Variants in SCTR observed in about 807,000 individuals in gnomAD.
SCTR encodes the protein pancreatic secretin receptor.
A neutral mutation model predicts 60.8 loss-of-function variants in SCTR; 56 were observed. That is an observed-to-expected ratio of 0.92 (90% confidence interval 0.74 to 1.15). SCTR has a LOEUF of 1.15. Ranked by LOEUF, SCTR falls within the 50% of genes most tolerant of loss-of-function variation. The pLI, the probability that SCTR is intolerant of heterozygous loss-of-function variation, is 0.00. For missense variants in SCTR, 562 were observed against 550.4 expected (o/e 1.02, Z -0.21); for synonymous variants, 202 against 217.0 (o/e 0.93, Z 0.61).
At chr2:119,480,870 G>A (rs1355851949) in intron 2 of SCTR, 1 of 152,296 alleles carries the variant, frequency 6.6e-6, no homozygotes, top group Non-Finnish European at 1.5e-5. Flanking sequence ...TGGGGAACAT[G>A]GTGCAGGGCA....
chr2:119,498,170 G>T (rs190667474), intron 1 of SCTR, among the ~76,000 whole-genome samples: 1 of 152,174 alleles, frequency 6.6e-6, no homozygotes, highest in Admixed American at 6.5e-5. Context: ...AAACAGTTAA[G>T]ATGACAACTG....
chr2:119,514,508 A>C (rs1366860163), intron 1 of SCTR, among the ~76,000 whole-genome samples: 1 of 152,184 alleles, frequency 6.6e-6, no homozygotes, highest in African/African-American at 2.4e-5. Context: ...TCTGTTAGCT[A>C]TTTTGGAGTT....
chr2:119,507,128 T>C (rs1479632206), intron 1 of SCTR, among the ~76,000 whole-genome samples: 1 of 152,174 alleles, frequency 6.6e-6, no homozygotes, highest in Non-Finnish European at 1.5e-5. Flanking sequence ...TATCTGAGTA[T>C]AAAAGAACAT....
At chr2:119,497,908 A>T (rs899879434) in intron 1 of SCTR, among the ~76,000 whole-genome samples, 3 of 152,182 alleles carry the variant, frequency 2.0e-5, no homozygotes, top group Admixed American at 6.5e-5. Context: ...AATACCTAGC[A>T]TTCATTTCTT....
chr2:119,465,432 C>T (rs1558849601), intron 5 of SCTR, among the ~76,000 whole-genome samples: 1 of 152,120 alleles, frequency 6.6e-6, no homozygotes, highest in African/African-American at 2.4e-5. Context: ...TGGGTCAGGT[C>T]GCCTTTGTTT....
chr2:119,490,077 C>G (rs1295524270), intron 2 of SCTR, among the ~76,000 whole-genome samples: 1 of 152,190 alleles, frequency 6.6e-6, no homozygotes, highest in African/African-American at 2.4e-5. Flanking sequence ...GCCTTGCTTC[C>G]TGCTGTCCCA....
At chr2:119,479,782 C>G (rs755762625) in intron 2 of SCTR, 1 of 152,208 alleles carries the variant, frequency 6.6e-6, no homozygotes, top group Admixed American at 6.5e-5. Context: ...TTGTGAACGA[C>G]TAGTATACAT....
At chr2:119,510,298 AGG>A (rs1678890888) in intron 1 of SCTR, among the ~76,000 whole-genome samples, 1 of 151,820 alleles carries the variant, frequency 6.6e-6, no homozygotes, top group Non-Finnish European at 1.5e-5. Context: ...ATGTGGGGGG[AGG>A]GGGTATGCCA....
At chr2:119,511,513 A>G (rs556857435) in intron 1 of SCTR, among the ~76,000 whole-genome samples, 47 of 152,074 alleles carry the variant, frequency 3.1e-4, no homozygotes, top group African/African-American at 1.1e-3. Context: ...TTGTTTTTTC[A>G]TTGGATTAGT....
At chr2:119,503,613 G>A (rs1678631637) in intron 1 of SCTR, among the ~76,000 whole-genome samples, 1 of 152,096 alleles carries the variant, frequency 6.6e-6, no homozygotes, top group South Asian at 2.1e-4. Flanking sequence ...AAAATCAGTG[G>A]TTGCCAGGGG....
chr2:119,445,730 G>A (rs1440483303), intron 11 of SCTR, among the ~76,000 whole-genome samples: 1 of 152,164 alleles, frequency 6.6e-6, no homozygotes, highest in Non-Finnish European at 1.5e-5. Context: ...GCTTCTCCCG[G>A]CCGTTAGTTT....
At chr2:119,512,199 T>TG (rs1200043535) in intron 1 of SCTR, among the ~76,000 whole-genome samples, 4 of 152,200 alleles carry the variant, frequency 2.6e-5, no homozygotes, top group South Asian at 4.1e-4. Flanking sequence ...GCTGTCTCTC[T>TG]GGAATTCCCA....
intron 1 of SCTR, among the ~76,000 whole-genome samples, chr2:119,510,185 C>G (rs1678887455): frequency 6.7e-6 from 1 of 149,254 alleles, no homozygotes; most frequent in Non-Finnish European, 1.5e-5. Context: ...CACCCTGTGT[C>G]CATGTGTTCT....
chr2:119,442,506 T>C (rs1302650677), intron 11 of SCTR, among the ~76,000 whole-genome samples: 1 of 152,136 alleles, frequency 6.6e-6, no homozygotes, highest in Non-Finnish European at 1.5e-5. Flanking sequence ...CTACTTATGA[T>C]ATTGGAAAGG....
At chr2:119,449,428 C>T (rs1275158859) in intron 9 of SCTR, among the ~76,000 whole-genome samples, 1 of 151,818 alleles carries the variant, frequency 6.6e-6, no homozygotes, top group South Asian at 2.1e-4. Flanking sequence ...TTTTTTCTTG[C>T]GAACTATGAT....
chr2:119,491,875 G>A (rs951380747), intron 2 of SCTR, among the ~76,000 whole-genome samples: 2 of 152,184 alleles, frequency 1.3e-5, no homozygotes, highest in African/African-American at 4.8e-5. Context: ...CAATGGCAAA[G>A]GCTGCCCACT....
At chr2:119,491,268 C>G (rs958143601) in intron 2 of SCTR, among the ~76,000 whole-genome samples, 3 of 152,184 alleles carry the variant, frequency 2.0e-5, no homozygotes, top group African/African-American at 7.2e-5. Flanking sequence ...TTTTGCTTCT[C>G]TTAGGATAGG....
chr2:119,498,509 G>A (rs1232067627), intron 1 of SCTR, among the ~76,000 whole-genome samples: 1 of 152,048 alleles, frequency 6.6e-6, no homozygotes, highest in Non-Finnish European at 1.5e-5. Flanking sequence ...GTTAATGATT[G>A]AAGCAAAAAT....
chr2:119,478,151 C>T (rs766295919), intron 3 of SCTR, among the ~76,000 whole-genome samples: 6 of 152,196 alleles, frequency 3.9e-5, no homozygotes, highest in Admixed American at 3.9e-4. Flanking sequence ...GGCAGCTGCA[C>T]AGCTTTTCTC....
Sources: allele counts gnomAD v4.1 joint callset (sites outside exome capture counted in the v4.1 genomes callset), GRCh38; gene constraint gnomAD v4.1.1; transcripts MANE v1.5; gene names NCBI Gene and HGNC (gene_info 2026-07-23, HGNC 2026-07-21).